The following RBPJ variants were observed in gnomAD, a reference collection of about 807,000 sequenced individuals.
The protein encoded by RBPJ is recombining binding protein suppressor of hairless.
A neutral mutation model predicts 67.8 loss-of-function variants in RBPJ; 9 were observed. That is an observed-to-expected ratio of 0.13 (90% CI 0.08 to 0.23). The LOEUF (loss-of-function observed/expected upper bound fraction) is 0.23, where lower values mean the gene tolerates loss of function less well. RBPJ is among the 10% of genes least tolerant of loss of function. The pLI, the probability that RBPJ is intolerant of heterozygous loss-of-function variation, is 1.00. For synonymous variants in RBPJ, 198 were observed against 203.3 expected (o/e 0.97, Z 0.22); for missense variants, 305 against 595.6 (o/e 0.51, Z 5.08).
chr4:26,109,471 T>TAC, the RBPJ span, among the ~76,000 whole-genome samples: 115 of 39,900 alleles, frequency 2.9e-3, 9 homozygotes, highest in African/African-American at 0.014. Flanking sequence ...TATATATATA[T>TAC]ATATATATAT....
At chr4:26,382,413 G>T (rs1450693955) in intron 1 of RBPJ, among the ~76,000 whole-genome samples, 1 of 152,220 alleles carries the variant, frequency 6.6e-6, no homozygotes, top group Non-Finnish European at 1.5e-5. Context: ...GTGGACTTTG[G>T]TAAGTGCAGG....
Position 26,191,240 on chromosome 4 carries a change from GAT to G in RBPJ, c.-167+27628_-167+27629del, listed in dbSNP as rs1425254033. 9.5e-3 allele frequency among the ~76,000 whole-genome samples: 952 copies of G among 100,048 alleles called. 21 individuals carry two copies. Among genetic ancestry groups the G allele is most frequent in the African/African-American group, 0.032 (835 of 26,268 alleles). The allele number at this position is 100,048 out of a possible 152,430, so 65.6% of individuals were successfully genotyped here. A position where few individuals can be genotyped will look rare whatever the true frequency, so the allele number is the denominator to read the frequency against. On this transcript the variant is annotated intron_variant, in intron 1 of 4. Transcript: ENST00000512351. The stretch of plus-strand genomic sequence containing the variant: ...AGAGAGAGAGAGAGAGAGAGAGAGA[GAT>G]AGAGAGAGAGAGAGGGAGAGAGGGA...
rs536638310 is a variant in RBPJ at position 26,411,566 on chromosome 4, T to C, written c.156-3909T>C. ...CTTCCATCATGGCTTTTTGAAATAA[T>C]TTAGAGTTGACTTTTTTTTTTTTAA... is the stretch of plus-strand genomic sequence containing the variant. On this transcript the variant is annotated intron_variant, in intron 3 of 10. Coordinates refer to ENST00000355476, the MANE Select transcript of RBPJ (RefSeq NM_015874.6). 7.3e-4 allele frequency among the ~76,000 whole-genome samples: 47 copies of C among 64,128 alleles called. No homozygotes were observed. In the South Asian group the frequency reaches 0.032, roughly 44 times the overall value. 42.1% of individuals were successfully genotyped at this position (64,128 alleles called of 152,430 possible). A position where few individuals can be genotyped will look rare whatever the true frequency, so the allele number is the denominator to read the frequency against.
upstream of RBPJ, chr4:26,320,956 G>C (rs1178546143): frequency 1.7e-5 from 28 of 1,612,494 alleles, no homozygotes; most frequent in Admixed American, 1.8e-4. Context: ...GGGAAGGGGC[G>C]GGGGAGAGGG....
intron 1 of RBPJ, among the ~76,000 whole-genome samples, chr4:26,239,254 A>G (rs1719553906): frequency 1.3e-5 from 2 of 152,036 alleles, no homozygotes; most frequent in South Asian, 4.1e-4. Context: ...TGCTTTTCAT[A>G]TTTTCCAGAT....
chr4:26,380,453 TCTTA>T (rs1421472889), intron 1 of RBPJ, among the ~76,000 whole-genome samples: 5 of 152,196 alleles, frequency 3.3e-5, no homozygotes, highest in African/African-American at 4.8e-5. Context: ...GCAAAAGTAG[TCTTA>T]CTTACTAATG....
chr4:26,132,064 A>G, the RBPJ span, among the ~76,000 whole-genome samples: 1 of 151,968 alleles, frequency 6.6e-6, no homozygotes, highest in Non-Finnish European at 1.5e-5. Context: ...TGTCAGTTCT[A>G]TTTGTGCATG....
the RBPJ span, among the ~76,000 whole-genome samples, chr4:26,109,442 CTCTCTCTCTCTCTCTCTCTATATATA>C: frequency 1.8e-3 from 54 of 29,760 alleles, 3 homozygotes; most frequent in African/African-American, 5.6e-3. Context: ...CTCTCTCTCT[CTCTCTCTCTCTCTCTCTCTATATATA>C]TATATATATA....
Position 26,266,745 on chromosome 4 carries a change from C to G in RBPJ, c.-166-95701C>G, listed in dbSNP as rs566095130. ...TTTGGGGGTAGCATGTCCTGAGCCC[C>G]ATTAGGTGGATGGATGGATAGATAA... On this transcript the variant is annotated intron_variant, in intron 1 of 4. Coordinates refer to the RBPJ transcript ENST00000512351. Among the ~76,000 whole-genome samples the G allele has an allele frequency of 3.3e-5, 5 of 152,078 alleles. No homozygotes were observed. In the South Asian group the frequency reaches 1.0e-3, roughly 32 times the overall value.
chr4:26,308,911 T>C (rs779269072), intron 1 of RBPJ, among the ~76,000 whole-genome samples: 26 of 152,236 alleles, frequency 1.7e-4, no homozygotes, highest in Admixed American at 7.8e-4. Context: ...GGATCTTTTT[T>C]TCTGTTCTAT....
chr4:26,400,174 A>C (rs568005608), intron 2 of RBPJ, among the ~76,000 whole-genome samples: 2 of 152,306 alleles, frequency 1.3e-5, no homozygotes, highest in African/African-American at 4.8e-5. Flanking sequence ...TTAAAAAAAA[A>C]CCTGGATGAT....
intron 1 of RBPJ, among the ~76,000 whole-genome samples, chr4:26,369,701 G>A (rs1006240303): frequency 6.6e-5 from 10 of 152,050 alleles, no homozygotes; most frequent in Non-Finnish European, 1.2e-4. Context: ...GTTAGGAGGT[G>A]GACAGTTGCC....
the RBPJ span, among the ~76,000 whole-genome samples, chr4:26,117,603 T>G: frequency 6.6e-6 from 1 of 152,120 alleles, no homozygotes; most frequent in African/African-American, 2.4e-5. Flanking sequence ...GAAAGGGCAG[T>G]GTAGCATATA....
intron 1 of RBPJ, among the ~76,000 whole-genome samples, chr4:26,314,336 T>G (rs923255912): frequency 1.3e-5 from 2 of 152,178 alleles, no homozygotes; most frequent in African/African-American, 4.8e-5. Context: ...ATTTTACATG[T>G]GTGGGCATAT....
At chr4:26,379,023 G>A (rs545857294) in intron 1 of RBPJ, among the ~76,000 whole-genome samples, 14 of 152,126 alleles carry the variant, frequency 9.2e-5, no homozygotes, top group Admixed American at 4.6e-4. Context: ...GAGACTCTCC[G>A]TCTCAATAAA....
intron 1 of RBPJ, among the ~76,000 whole-genome samples, chr4:26,372,283 G>A (rs1219379656): frequency 1.3e-5 from 2 of 152,192 alleles, no homozygotes; most frequent in African/African-American, 4.8e-5. Context: ...GAGGAGATCA[G>A]TAATACTAGT....
the RBPJ span, among the ~76,000 whole-genome samples, chr4:26,132,247 A>T: frequency 6.6e-6 from 1 of 152,158 alleles, no homozygotes; most frequent in Non-Finnish European, 1.5e-5. Flanking sequence ...AAATATTCTC[A>T]CAGAGACTCT....
chr4:26,204,457 A>T (rs1718098529), intron 1 of RBPJ, among the ~76,000 whole-genome samples: 1 of 152,256 alleles, frequency 6.6e-6, no homozygotes, highest in African/African-American at 2.4e-5. Flanking sequence ...GTCCTTGGGG[A>T]CGGGTCTATG....
chr4:26,376,102 T>C, intron 1 of RBPJ, among the ~76,000 whole-genome samples: 1 of 152,186 alleles, frequency 6.6e-6, no homozygotes, highest in South Asian at 2.1e-4. Flanking sequence ...AAACTAAATA[T>C]ATTTTTTTGT....
Sources: gnomAD v4.1 joint callset for allele counts (sites outside exome capture counted in the v4.1 genomes callset) on GRCh38, gnomAD v4.1.1 for gene constraint, MANE v1.5 for transcripts, NCBI Gene and HGNC (gene_info 2026-07-23, HGNC 2026-07-21) for gene names.